Variants in CDYL2 observed in about 807,000 individuals in gnomAD.
CDYL2 encodes the protein chromodomain Y like 2, also known as chromodomain Y-like protein 2.
A neutral mutation model predicts 49.4 loss-of-function variants in CDYL2; 23 were observed. The ratio of observed to expected loss-of-function variants is 0.47; its 90% CI spans 0.34 to 0.66. CDYL2 has a LOEUF of 0.66. Among genes scored for constraint, CDYL2 ranks in the 30% least tolerant of loss-of-function variants. The pLI is 0.01. For synonymous variants in CDYL2, 360 were observed against 268.8 expected, an observed-to-expected ratio of 1.34 and a Z score of -3.32; for missense variants, 678 against 656.4, an observed-to-expected ratio of 1.03 and a Z score of -0.36.
At chr16:80,781,824 G>C (rs1333910874) in intron 1 of CDYL2, among the ~76,000 whole-genome samples, 4 of 151,876 alleles carry the variant, frequency 2.6e-5, no homozygotes, top group Admixed American at 2.0e-4. Context: ...AAAATCACAA[G>C]GTAACTTAGG....
intron 1 of CDYL2, among the ~76,000 whole-genome samples, chr16:80,705,372 T>C (rs1234711138): frequency 6.6e-6 from 1 of 152,250 alleles, no homozygotes; most frequent in African/African-American, 2.4e-5. Context: ...AGAGTCCTAA[T>C]GTCATCCAGA....
intron 5 of CDYL2, among the ~76,000 whole-genome samples, chr16:80,609,717 T>C (rs1162514935): frequency 6.6e-6 from 1 of 152,162 alleles, no homozygotes; most frequent in Admixed American, 6.5e-5. Context: ...GAAAGGCTCC[T>C]GGCCACCCCT....
At chr16:80,706,849 T>G (rs976370000) in intron 1 of CDYL2, among the ~76,000 whole-genome samples, 3 of 152,182 alleles carry the variant, frequency 2.0e-5, no homozygotes, top group African/African-American at 7.2e-5. Flanking sequence ...GTCTCATTCA[T>G]GAGAACAGAG....
At chr16:80,755,992 G>C (rs1490510927) in intron 1 of CDYL2, among the ~76,000 whole-genome samples, 1 of 152,066 alleles carries the variant, frequency 6.6e-6, no homozygotes, top group East Asian at 1.9e-4. Flanking sequence ...AAGGGGTAAA[G>C]AAATGGAATT....
At chr16:80,632,922 A>G in intron 3 of CDYL2, 97 bp downstream of exon 3, 1 of 1,231,844 alleles carries the variant, frequency 8.1e-7, no homozygotes, top group South Asian at 1.3e-5. Context: ...TACCATCCTC[A>G]GCTCCCTGAT....
chr16:80,620,420 G>A (rs1164530211), intron 4 of CDYL2, among the ~76,000 whole-genome samples: 2 of 152,144 alleles, frequency 1.3e-5, no homozygotes, highest in Non-Finnish European at 2.9e-5. Context: ...GGAGTAGTGT[G>A]GACAACACAT....
chr16:80,625,578 A>C (rs2142381821), intron 3 of CDYL2, among the ~76,000 whole-genome samples: 1 of 152,372 alleles, frequency 6.6e-6, no homozygotes, highest in East Asian at 1.9e-4. Context: ...TATCTACCAC[A>C]GACTTGAATA....
At position 80,604,537 on chromosome 16, in the gene CDYL2, C is replaced by G; in HGVS notation, c.1372G>C (p.Glu458Gln). Residue 458 changes from glutamate to glutamine, a missense_variant, in exon 7 of 7, where the codon GAG (glutamate) becomes CAG (glutamine). Physicochemically the swap from Glu to Gln is conservative, Grantham distance 29. Coordinates refer to ENST00000570137, the MANE Select transcript of CDYL2 (RefSeq NM_152342.4). The stretch of plus-strand genomic sequence containing the variant: ...AAGCTCCGCACGAGGCATTTGGACT[C>G]CTCTAACACCTAGAGGGAAATAGAC... Reference protein sequence around the residue: ...MASCSAVVLEESKCLVRSFLK... With the variant: ...MASCSAVVLEQSKCLVRSFLK... 2 of 1,614,200 alleles carry G rather than the reference C, an allele frequency of 1.2e-6. No homozygotes were observed. Among genetic ancestry groups the G allele is most frequent in the South Asian group, 2.2e-5 (2 of 91,084 alleles).
intron 1 of CDYL2, among the ~76,000 whole-genome samples, chr16:80,778,636 T>C (rs1318107075): frequency 6.6e-6 from 1 of 152,178 alleles, no homozygotes; most frequent in East Asian, 1.9e-4. Context: ...ATCACAGAGG[T>C]ATCAACTTTA....
chr16:80,625,804 T>C (rs1465167990), intron 3 of CDYL2, among the ~76,000 whole-genome samples: 3 of 152,140 alleles, frequency 2.0e-5, no homozygotes, highest in African/African-American at 7.2e-5. Context: ...AGAATACAAT[T>C]GTCAAGGTGC....
chr16:80,727,509 C>T (rs1231831687), intron 1 of CDYL2, among the ~76,000 whole-genome samples: 1 of 152,176 alleles, frequency 6.6e-6, no homozygotes, highest in Admixed American at 6.5e-5. Flanking sequence ...AAGGTGGAAG[C>T]GAGGCTCGGG....
chr16:80,757,536 C>G (rs1043891617), intron 1 of CDYL2, among the ~76,000 whole-genome samples: 1 of 117,020 alleles, frequency 8.5e-6, no homozygotes, highest in Non-Finnish European at 1.6e-5. Flanking sequence ...AAGACTCTGT[C>G]TCAAAAAAAA....
At chr16:80,752,887 G>A (rs975729640) in intron 1 of CDYL2, among the ~76,000 whole-genome samples, 4 of 152,146 alleles carry the variant, frequency 2.6e-5, no homozygotes, top group African/African-American at 7.2e-5. Flanking sequence ...CAAAACCAGA[G>A]GGAATTCCTC....
intron 1 of CDYL2, among the ~76,000 whole-genome samples, chr16:80,789,514 C>T (rs1001336117): frequency 1.3e-5 from 2 of 151,982 alleles, no homozygotes; most frequent in African/African-American, 4.8e-5. Flanking sequence ...GCAGAAGAAT[C>T]ATTTGAACCT....
At chr16:80,637,683 A>C (rs1907900982) in intron 2 of CDYL2, among the ~76,000 whole-genome samples, 1 of 152,198 alleles carries the variant, frequency 6.6e-6, no homozygotes. Context: ...TTTAATATTC[A>C]ATAGTACAAT....
At chr16:80,669,758 C>A (rs996477682) in intron 2 of CDYL2, among the ~76,000 whole-genome samples, 1 of 152,176 alleles carries the variant, frequency 6.6e-6, no homozygotes, top group African/African-American at 2.4e-5. Context: ...GCAAAAGCTC[C>A]CTGAGCACCT....
chr16:80,742,694 G>GT (rs1905786032), intron 1 of CDYL2, among the ~76,000 whole-genome samples: 2 of 151,538 alleles, frequency 1.3e-5, no homozygotes, highest in Admixed American at 1.3e-4. Flanking sequence ...GGGTAGGTGA[G>GT]TGCATGGATG....
At chr16:80,607,890 G>A (rs988787005) in intron 6 of CDYL2, among the ~76,000 whole-genome samples, 2 of 152,210 alleles carry the variant, frequency 1.3e-5, no homozygotes, top group African/African-American at 2.4e-5. Context: ...GGAGATGATG[G>A]ACAATTTGTA....
chr16:80,680,160 A>G (rs914311586), intron 2 of CDYL2, among the ~76,000 whole-genome samples: 1 of 152,248 alleles, frequency 6.6e-6, no homozygotes. Context: ...TAAAAGATCA[A>G]TGGAGAGAAA....
Sources: gnomAD v4.1 joint callset for allele counts (sites outside exome capture counted in the v4.1 genomes callset) on GRCh38, gnomAD v4.1.1 for gene constraint, MANE v1.5 for transcripts, NCBI Gene and HGNC (gene_info 2026-07-23, HGNC 2026-07-21) for gene names.